TRPM3: variants seen among roughly 807,000 people sequenced by gnomAD.
The protein encoded by TRPM3 is long transient receptor potential channel 3.
A neutral mutation model predicts 181.2 loss-of-function variants in TRPM3; 77 were observed. That is an observed-to-expected ratio of 0.42 (90% confidence interval 0.35 to 0.51). The LOEUF is 0.51. Among genes scored for constraint, TRPM3 ranks in the 20% least tolerant of loss-of-function variants. The pLI, the probability that TRPM3 is intolerant of heterozygous loss-of-function variation, is 0.01. For synonymous variants in TRPM3, 745 were observed against 796.4 expected, an observed-to-expected ratio of 0.94 and a Z score of 1.09; for missense variants, 1,759 against 2,196.7, an observed-to-expected ratio of 0.80 and a Z score of 3.98.
intron 9 of TRPM3, among the ~76,000 whole-genome samples, chr9:70,665,254 A>G (rs2061688803): frequency 6.6e-6 from 1 of 151,612 alleles, no homozygotes; most frequent in Non-Finnish European, 1.5e-5. Context: ...GATCTCACTC[A>G]CTCTGAAGAA....
At chr9:71,368,160 A>T (rs973184210) in intron 1 of TRPM3, among the ~76,000 whole-genome samples, 1 of 152,114 alleles carries the variant, frequency 6.6e-6, no homozygotes, top group Non-Finnish European at 1.5e-5. Context: ...CCTTAAAATA[A>T]ATCCTTTCTT....
chr9:71,378,919 G>C (rs1035941296), intron 1 of TRPM3, among the ~76,000 whole-genome samples: 1 of 151,854 alleles, frequency 6.6e-6, no homozygotes, highest in Non-Finnish European at 1.5e-5. Context: ...ATTTAGATTT[G>C]TGTCTTCCTA....
At chr9:71,150,163 GATAA>G (rs1301734463) in intron 1 of TRPM3, among the ~76,000 whole-genome samples, 1 of 151,854 alleles carries the variant, frequency 6.6e-6, no homozygotes, top group Admixed American at 6.6e-5. Flanking sequence ...TTAAAAATAG[GATAA>G]ATAACAAACA....
intron 8 of TRPM3, among the ~76,000 whole-genome samples, chr9:70,682,291 C>A (rs549691500): frequency 1.3e-5 from 2 of 152,052 alleles, no homozygotes; most frequent in African/African-American, 2.4e-5. Context: ...ATATGTATTA[C>A]ATGAGGAAAG....
rs1255376718 is a variant in TRPM3 at position 70,972,423 on chromosome 9, G to C, written c.178-107912C>G. 5.3e-5 allele frequency among the ~76,000 whole-genome samples: 8 copies of C among 152,238 alleles called. No homozygotes were observed. The East Asian group carries it at 1.5e-3, about 29-fold the overall frequency. On this transcript the variant is annotated intron_variant, in intron 1 of 25. Transcript: ENST00000677713. ...CCACTTACATTAAATGTTCACAATA[G>C]GCAAATCTAGATATAGAAAGTAGAT...
intron 1 of TRPM3, among the ~76,000 whole-genome samples, chr9:71,198,350 T>G (rs1285591075): frequency 6.6e-6 from 1 of 152,054 alleles, no homozygotes; most frequent in Non-Finnish European, 1.5e-5. Context: ...GACTTGGTGA[T>G]GCGGGCTCTT....
At chr9:70,688,462 TC>T in intron 8 of TRPM3, among the ~76,000 whole-genome samples, 1 of 152,194 alleles carries the variant, frequency 6.6e-6, no homozygotes, top group Middle Eastern at 3.4e-3. Flanking sequence ...CCCCCACAAA[TC>T]CCCTTAGTCC....
At chr9:71,314,004 C>A (rs1334627598) in intron 1 of TRPM3, among the ~76,000 whole-genome samples, 6 of 152,014 alleles carry the variant, frequency 3.9e-5, no homozygotes, top group Non-Finnish European at 7.4e-5. Flanking sequence ...TTGTAAAATT[C>A]TTTTCCATGT....
At chr9:70,606,733 A>T (rs1294340620) in intron 19 of TRPM3, among the ~76,000 whole-genome samples, 1 of 151,826 alleles carries the variant, frequency 6.6e-6, no homozygotes, top group Non-Finnish European at 1.5e-5. Flanking sequence ...TGTGAGTCTT[A>T]TTTAAGTAAG....
intron 3 of TRPM3, among the ~76,000 whole-genome samples, chr9:70,853,164 TG>T (rs1406904841): frequency 1.3e-5 from 2 of 152,204 alleles, no homozygotes; most frequent in Non-Finnish European, 2.9e-5. Flanking sequence ...CAAAAGAATC[TG>T]TTCCATTCTT....
intron 1 of TRPM3, among the ~76,000 whole-genome samples, chr9:71,409,920 A>C (rs774843498): frequency 6.6e-6 from 1 of 152,268 alleles, no homozygotes; most frequent in Non-Finnish European, 1.5e-5. Context: ...CTCAGACCAC[A>C]GTGCAATCAA....
intron 1 of TRPM3, among the ~76,000 whole-genome samples, chr9:71,239,042 C>G (rs2081519397): frequency 6.6e-6 from 1 of 152,034 alleles, no homozygotes; most frequent in African/African-American, 2.4e-5. Context: ...TTCTTGAGAT[C>G]ACCTTCCCTA....
At chr9:70,831,287 A>C (rs1296510908) in intron 5 of TRPM3, among the ~76,000 whole-genome samples, 1 of 152,238 alleles carries the variant, frequency 6.6e-6, no homozygotes, top group African/African-American at 2.4e-5. Context: ...AAATTAAAAA[A>C]ATAATGTATT....
At chr9:70,910,231 T>G (rs896332242) in intron 1 of TRPM3, among the ~76,000 whole-genome samples, 1 of 152,176 alleles carries the variant, frequency 6.6e-6, no homozygotes, top group Non-Finnish European at 1.5e-5. Flanking sequence ...AGCAAACAAC[T>G]GTTATATACA....
chr9:70,743,258 G>A (rs2074503427), intron 8 of TRPM3, among the ~76,000 whole-genome samples: 1 of 152,120 alleles, frequency 6.6e-6, no homozygotes, highest in Non-Finnish European at 1.5e-5. Flanking sequence ...CTGAAGGCTA[G>A]TATGTTCCAA....
chr9:71,065,935 A>T (rs1399651095), intron 1 of TRPM3, among the ~76,000 whole-genome samples: 1 of 152,122 alleles, frequency 6.6e-6, no homozygotes, highest in Non-Finnish European at 1.5e-5. Flanking sequence ...AAGAGAAGAG[A>T]TCAAAAATCC....
intron 1 of TRPM3, among the ~76,000 whole-genome samples, chr9:71,294,791 T>C (rs928195929): frequency 6.6e-6 from 1 of 152,170 alleles, no homozygotes; most frequent in Non-Finnish European, 1.5e-5. Flanking sequence ...TCGAATTCTG[T>C]ATCAAAGTGA....
chr9:70,570,180 C>T (rs778464769), intron 22 of TRPM3, among the ~76,000 whole-genome samples: 27 of 149,920 alleles, frequency 1.8e-4, no homozygotes, highest in Non-Finnish European at 3.1e-4. Context: ...AGACATTGTA[C>T]ACATGTAAAA....
intron 6 of TRPM3, chr9:70,793,613 G>A (rs984237111): frequency 7.7e-5 from 36 of 469,674 alleles, no homozygotes; most frequent in African/African-American, 4.0e-4. Context: ...TCCTCTTCCC[G>A]GCTGCCACTC....
Sources: allele counts gnomAD v4.1 joint callset (sites outside exome capture counted in the v4.1 genomes callset), GRCh38; gene constraint gnomAD v4.1.1; transcripts MANE v1.5; gene names NCBI Gene and HGNC (gene_info 2026-07-23, HGNC 2026-07-21).